Variants in DTNA observed in about 807,000 individuals in gnomAD.
The protein encoded by DTNA is dystrophin-related protein 3.
DTNA carries 43 observed loss-of-function variants against 100.7 expected under a neutral mutation model. The ratio of observed to expected loss-of-function variants is 0.43; its 90% CI spans 0.33 to 0.55. The LOEUF (loss-of-function observed/expected upper bound fraction) is 0.55, where lower values mean the gene tolerates loss of function less well. Among genes scored for constraint, DTNA ranks in the 20% least tolerant of loss-of-function variants. The probability of loss-of-function intolerance (pLI) is 0.04; values close to 1 mark genes in which losing one functional copy is unlikely to be tolerated. For missense variants in DTNA, 798 were observed against 953.9 expected, an observed-to-expected ratio of 0.84 and a Z score of 2.15; for synonymous variants, 349 against 347.9, an observed-to-expected ratio of 1.00 and a Z score of -0.04.
intron 1 of DTNA, among the ~76,000 whole-genome samples, chr18:34,639,955 A>G (rs939002073): frequency 6.6e-6 from 1 of 152,132 alleles, no homozygotes; most frequent in Non-Finnish European, 1.5e-5. Flanking sequence ...CTGAGATGGG[A>G]TTAGGATAAT....
chr18:34,670,361 G>C (rs1320777408), intron 1 of DTNA, among the ~76,000 whole-genome samples: 1 of 152,094 alleles, frequency 6.6e-6, no homozygotes, highest in Non-Finnish European at 1.5e-5. Context: ...TTTACAATGG[G>C]TTTGAACTTC....
intron 17 of DTNA, among the ~76,000 whole-genome samples, chr18:34,869,914 G>C (rs563008799): frequency 6.6e-6 from 1 of 152,118 alleles, no homozygotes; most frequent in Admixed American, 6.5e-5. Context: ...CCAGCTACTC[G>C]GGAGGCTGAG....
intron 4 of DTNA, among the ~76,000 whole-genome samples, chr18:34,798,266 C>T (rs1397632581): frequency 6.6e-6 from 1 of 152,156 alleles, no homozygotes; most frequent in East Asian, 1.9e-4. Flanking sequence ...TCTCAAAGTA[C>T]TGGGATTTAC....
At chr18:34,536,166 T>C (rs114469172) in intron 1 of DTNA, among the ~76,000 whole-genome samples, 182 of 152,178 alleles carry the variant, frequency 1.2e-3, no homozygotes, top group African/African-American at 4.2e-3. Context: ...ACCTAATAAA[T>C]TATAAATAGA....
At chr18:34,632,656 A>G (rs2058213763) in intron 1 of DTNA, among the ~76,000 whole-genome samples, 1 of 152,172 alleles carries the variant, frequency 6.6e-6, no homozygotes, top group Non-Finnish European at 1.5e-5. Flanking sequence ...TGTTCATCCT[A>G]AGAGCTTTAG....
chr18:34,659,293 T>C (rs1314645054), intron 1 of DTNA, among the ~76,000 whole-genome samples: 5 of 152,220 alleles, frequency 3.3e-5, no homozygotes, highest in Non-Finnish European at 5.9e-5. Flanking sequence ...TCAAAACTAT[T>C]ATCATTTCAA....
chr18:34,768,793 G>C (rs909242879), intron 3 of DTNA, among the ~76,000 whole-genome samples: 1 of 152,178 alleles, frequency 6.6e-6, no homozygotes, highest in African/African-American at 2.4e-5. Flanking sequence ...AGGATAGTGT[G>C]ATGATGAATG....
At chr18:34,663,033 G>T (rs1024739867) in intron 1 of DTNA, 2 of 152,174 alleles carry the variant, frequency 1.3e-5, no homozygotes, top group Admixed American at 1.3e-4. Flanking sequence ...GTGGCACCAA[G>T]CTCTACTGGT....
At chr18:34,523,929 T>C (rs1380660598) in intron 1 of DTNA, among the ~76,000 whole-genome samples, 1 of 152,156 alleles carries the variant, frequency 6.6e-6, no homozygotes, top group East Asian at 1.9e-4. Context: ...GTCTTGGACA[T>C]TGATGGAAAT....
chr18:34,581,978 A>G (rs1488314278), intron 1 of DTNA, among the ~76,000 whole-genome samples: 1 of 152,172 alleles, frequency 6.6e-6, no homozygotes, highest in Non-Finnish European at 1.5e-5. Flanking sequence ...ACATACAAAC[A>G]ATATGTCTAA....
intron 16 of DTNA, among the ~76,000 whole-genome samples, chr18:34,861,646 T>G (rs188538861): frequency 3.9e-5 from 6 of 152,304 alleles, no homozygotes; most frequent in African/African-American, 1.4e-4. Flanking sequence ...TTTCTCATTC[T>G]CCTTGGAAGG....
chr18:34,512,091 G>A (rs368648678), intron 1 of DTNA, among the ~76,000 whole-genome samples: 4 of 151,974 alleles, frequency 2.6e-5, no homozygotes, highest in Non-Finnish European at 5.9e-5. Context: ...TCACCCTGCT[G>A]GTTATATGCC....
chr18:34,719,689 T>C (rs2084851271), intron 1 of DTNA, among the ~76,000 whole-genome samples: 1 of 152,232 alleles, frequency 6.6e-6, no homozygotes, highest in South Asian at 2.1e-4. Context: ...GGTATTTATG[T>C]CATTCTACAC....
intron 1 of DTNA, among the ~76,000 whole-genome samples, chr18:34,752,698 C>G (rs1331867375): frequency 6.6e-6 from 1 of 152,030 alleles, no homozygotes; most frequent in African/African-American, 2.4e-5. Flanking sequence ...TTATTTCATA[C>G]CACAGAGATT....
At position 34,877,754 on chromosome 18, in the gene DTNA, G is replaced by T. The variant is rs566869682; in HGVS notation, c.1939G>T (p.Ala647Ser). ...RRNLRNDLLV[A>S]ADSITNTMSS... ...AAACTTAAGGAATGACTTGCTAGTG[G>T]CTGCAGATTCCATCACTAACACTAT... is the stretch of plus-strand genomic sequence containing the variant. The change falls in exon 19 of 23, where the codon GCT (alanine) becomes TCT (serine). Residue 647 changes from alanine (A) to serine (S), a missense_variant. Physicochemically the swap from Ala to Ser is moderately conservative, Grantham distance 99. This residue lies in a region of DTNA where 242 missense variants were observed against 238.2 expected (regional missense o/e 1.02). Transcript: ENST00000444659. 9.3e-6 allele frequency: 15 copies of T among 1,613,882 alleles called. No individual in the cohort carries two copies. In the East Asian group the frequency reaches 3.1e-4, roughly 34 times the overall value.
rs76713874 is a variant in DTNA at position 34,879,733 on chromosome 18, G to T, written c.2162+14G>T. 2.5e-6 allele frequency: 4 copies of T among 1,613,812 alleles called. No homozygotes were observed. The East Asian group carries it at 6.7e-5, about 27-fold the overall frequency. On this transcript the variant is annotated intron_variant, in intron 20 of 22. Coordinates refer to ENST00000444659, the MANE Select transcript of DTNA (RefSeq NM_001386795.1). ...GCGTGGCGACATGTGAGTATCTTCC[G>T]CTTGGAAGCATTTTCTCAGTAACAA... is the stretch of plus-strand genomic sequence containing the variant.
At chr18:34,735,626 A>G (rs1203156384) in intron 1 of DTNA, among the ~76,000 whole-genome samples, 1 of 152,094 alleles carries the variant, frequency 6.6e-6, no homozygotes, top group Non-Finnish European at 1.5e-5. Flanking sequence ...TCATGTTGCA[A>G]CACATTATCA....
At chr18:34,867,276 G>C in intron 17 of DTNA, 1 of 1,231,270 alleles carries the variant, frequency 8.1e-7, no homozygotes, top group Non-Finnish European at 1.0e-6. Context: ...CCCATGGTCT[G>C]TAAAAAAGGA....
In DTNA at chr18:34,766,059, T is replaced by C. The variant is rs764497347; in HGVS notation, c.148+18T>C. 15 of 1,612,176 alleles carry C rather than the reference T, an allele frequency of 9.3e-6. No homozygotes were observed. The South Asian group carries it at 1.6e-4, about 18-fold the overall frequency. On this transcript the variant is annotated intron_variant, in intron 3 of 22. Transcript: ENST00000444659. ...ATGCAATTGTAAGTATGCCAGTTGT[T>C]TGGACTAATTACCATCATGAATCCT...
Sources: allele counts gnomAD v4.1 joint callset (sites outside exome capture counted in the v4.1 genomes callset), GRCh38; gene constraint gnomAD v4.1.1; regional missense constraint gnomAD v4.1.1; transcripts MANE v1.5; gene names NCBI Gene and HGNC (gene_info 2026-07-23, HGNC 2026-07-21).